Variants in TMEM120A observed in about 807,000 individuals in gnomAD.
The protein encoded by TMEM120A is ion channel TACAN.
Under a neutral mutation model 54.3 loss-of-function variants are expected in TMEM120A, and 45 were observed. That is an observed-to-expected ratio of 0.83 (90% CI 0.65 to 1.06). TMEM120A has a LOEUF of 1.06. Among genes scored for constraint, TMEM120A ranks in the 50% least tolerant of loss-of-function variants. TMEM120A has a pLI of 0.00. For missense variants in TMEM120A, 424 were observed against 441.7 expected, an observed-to-expected ratio of 0.96 and a Z score of 0.36; for synonymous variants, 204 against 178.5, an observed-to-expected ratio of 1.14 and a Z score of -1.14.
Position 75,989,048 on chromosome 7 carries a change from G to GGTGGAGGTT in TMEM120A, c.377+116_377+117insAACCTCCAC. ...GGAAGGCCGGGTTGGGGGGTGGAGG[G>GGTGGAGGTT]GAAGGCCGGGTTCCGGGGGAAGGCT... On this transcript the variant is annotated intron_variant, in intron 4 of 11. Coordinates refer to ENST00000493111, the MANE Select transcript of TMEM120A (RefSeq NM_031925.3). The GGTGGAGGTT allele has an allele frequency of 1.9e-4, 30 of 158,458 alleles. 3 individuals carry two copies. Among genetic ancestry groups the GGTGGAGGTT allele is most frequent in the South Asian group, 1.3e-3 (29 of 22,626 alleles). The allele number at this position is 158,458 out of a possible 1,614,324, so 9.8% of individuals were successfully genotyped here. A position where few individuals can be genotyped will look rare whatever the true frequency, so the allele number is the denominator to read the frequency against.
chr7:75,992,504 G>T lies in TMEM120A; in HGVS notation c.135C>A (p.Asn45Lys). The T allele has an allele frequency of 6.3e-7, 1 of 1,595,328 alleles. No individual in the cohort carries two copies. The highest frequency in any genetic ancestry group is 8.5e-7 in the Non-Finnish European group (1 of 1,171,310). The change falls in exon 2 of 12, where the codon AAC becomes AAA. Residue 45 changes from asparagine to lysine, a missense_variant. Asn to Lys is a moderately conservative substitution (Grantham distance 94). Transcript: ENST00000493111. Reference sequence around the variant, plus strand: ...GCCGCGTGATGGAGCTGGTGCAATTGTTCTGAAGTTTGGTCAGCTCCTCCA... The same window carrying T: ...GCCGCGTGATGGAGCTGGTGCAATTTTTCTGAAGTTTGGTCAGCTCCTCCA... ...LKLEELTKLQ[N>K]NCTSSITRQK...
At position 75,992,271 on chromosome 7, in the gene TMEM120A, G is replaced by A. The variant is rs1020440926; in HGVS notation, c.201-11C>T. 1.9e-6 allele frequency: 3 copies of A among 1,599,602 alleles called. No homozygotes were observed. Among genetic ancestry groups the A allele is most frequent in the Non-Finnish European group, 2.6e-6 (3 of 1,172,674 alleles). ...AGGGAGGGTTTGCATCTGCGGGTAAGGCCAGAAACAGTCAGGGCAAGAGGA... is the reference window on the plus strand; with the variant it reads ...AGGGAGGGTTTGCATCTGCGGGTAAAGCCAGAAACAGTCAGGGCAAGAGGA... On this transcript the variant is annotated splice_polypyrimidine_tract_variant and intron_variant, in intron 2 of 11. Transcript: ENST00000493111.
chr7:75,988,395 G>A, intron 5 of TMEM120A, 26 bp downstream of exon 5: 1 of 1,606,588 alleles, frequency 6.2e-7, no homozygotes, highest in South Asian at 1.1e-5. Flanking sequence ...GATGGGGTGG[G>A]TCCTCGGCCG....
chr7:75,987,516 G>T, intron 10 of TMEM120A, 22 bp downstream of exon 10: 1 of 1,576,814 alleles, frequency 6.3e-7, no homozygotes, highest in East Asian at 2.3e-5. Flanking sequence ...CAGACAGGCA[G>T]GGACACAGAG....
intron 3 of TMEM120A, among the ~76,000 whole-genome samples, chr7:75,990,681 C>A (rs187557862): frequency 1.3e-5 from 2 of 151,862 alleles, no homozygotes; most frequent in African/African-American, 4.8e-5. Flanking sequence ...GTCAGAAGAT[C>A]GAGACCAGCC....
rs868981119 is a variant in TMEM120A, at chr7:75,994,549, G to A, written c.22C>T (p.Pro8Ser). MQPPPPG[P>S]LGDCLRDWED... ...CAGTCCCGCAGGCAGTCGCCCAGCG[G>A]GCCCGGGGGCGGGGGCTGCATGGCT... is the stretch of plus-strand genomic sequence containing the variant. The change falls in exon 1 of 12, where the codon CCG becomes TCG. Residue 8 changes from proline to serine, a missense_variant. Transcript: ENST00000493111. 1.3e-6 allele frequency: 2 copies of A among 1,555,472 alleles called. No homozygotes were observed. The highest frequency in any genetic ancestry group is 1.7e-4 in the Middle Eastern group (1 of 5,968).
In TMEM120A at chr7:75,989,199, TC is replaced by T; in HGVS notation, c.342del (p.Asn115ThrfsTer7). On this transcript the variant is annotated frameshift_variant, in exon 4 of 12. Coordinates refer to ENST00000493111, the MANE Select transcript of TMEM120A (RefSeq NM_031925.3). LOFTEE classifies it high-confidence loss of function. The stretch of plus-strand genomic sequence containing the variant: ...TTGCTCAGGAGCGTGACGTTGACGT[TC>T]CCCAGAACCAGGCTCAGGTACAATC... ...KNGLYLSLVL[G>X]NVNVTLLSKQ... 2 of 1,471,226 alleles carry T rather than the reference TC, an allele frequency of 1.4e-6. No individual in the cohort carries two copies. Among genetic ancestry groups the T allele is most frequent in the Admixed American group, 2.1e-5 (1 of 47,980 alleles). The allele number at this position is 1,471,226 out of a possible 1,614,324, so 91.1% of individuals were successfully genotyped here. A position where few individuals can be genotyped will look rare whatever the true frequency, so the allele number is the denominator to read the frequency against.
intron 6 of TMEM120A, 28 bp from the exon 7 acceptor site, chr7:75,988,176 A>T: frequency 1.9e-6 from 3 of 1,611,240 alleles, no homozygotes; most frequent in Non-Finnish European, 2.5e-6. Context: ...CATCACCCCC[A>T]GCGCCTGTTC....
rs4732519 is a variant in TMEM120A at position 75,992,509 on chromosome 7, G to A, written c.130C>T (p.Gln44Ter). The A allele has an allele frequency of 4.4e-6, 7 of 1,594,060 alleles. No individual in the cohort carries two copies. The African/African-American group carries it at 8.0e-5, about 18-fold the overall frequency. ...GTGATGGAGCTGGTGCAATTGTTCT[G>A]AAGTTTGGTCAGCTCCTCCAGCTTC... The part of the protein sequence containing the change: ...RLKLEELTKL[Q>*]NNCTSSITRQ... Residue 44 changes from glutamine to a stop codon, truncating the protein, a stop_gained, in exon 2 of 12, where the codon CAG (glutamine) becomes TAG (stop). Transcript: ENST00000493111. LOFTEE classifies it high-confidence loss of function.
At chr7:75,992,014 C>A in intron 3 of TMEM120A, 130 bp downstream of exon 3, 1 of 632,822 alleles carries the variant, frequency 1.6e-6, no homozygotes, top group Non-Finnish European at 2.8e-6. Flanking sequence ...CTGAAGTCAG[C>A]ACTGTGCCTC....
chr7:75,994,356 C>T, intron 1 of TMEM120A, 134 bp downstream of exon 1: 1 of 744,276 alleles, frequency 1.3e-6, no homozygotes, highest in East Asian at 3.1e-5. Context: ...GGCCTCGCCC[C>T]CCTTGGCAGT....
intron 3 of TMEM120A, 58 bp downstream of exon 3, chr7:75,992,086 G>C (rs1377354653): frequency 2.4e-6 from 3 of 1,258,188 alleles, no homozygotes; most frequent in Non-Finnish European, 3.4e-6. Context: ...AGAGGAGGCA[G>C]CACCCGGCTT....
intron 10 of TMEM120A, 40 bp downstream of exon 10, chr7:75,987,494 AGGAC>A (rs1366735213): frequency 1.7e-5 from 25 of 1,430,210 alleles, no homozygotes; most frequent in African/African-American, 1.0e-4. Context: ...ACCGGCGCAG[AGGAC>A]GGACAGACAG....
In TMEM120A at chr7:75,989,221, CA is replaced by C; in HGVS notation, c.320del (p.Leu107CysfsTer3). On this transcript the variant is annotated frameshift_variant and splice_region_variant, in exon 4 of 12. Transcript: ENST00000493111. LOFTEE classifies it high-confidence loss of function. ...MEAYLPKKNG[L>X]YLSLVLGNVN... is the part of the protein sequence containing the mutation. ...CGTTCCCCAGAACCAGGCTCAGGTA[CA>C]ATCTAGGGAAGGGGGTGGCGGGGTG... is the stretch of plus-strand genomic sequence containing the variant. The C allele has an allele frequency of 6.4e-7, 1 of 1,560,630 alleles. No individual in the cohort carries two copies. Among genetic ancestry groups the C allele is most frequent in the Middle Eastern group, 1.7e-4 (1 of 5,916 alleles).
Position 75,992,561 on chromosome 7 carries a change from G to C in TMEM120A, c.82-4C>G, listed in dbSNP as rs1585146844. 2 of 1,560,502 alleles carry C rather than the reference G, an allele frequency of 1.3e-6. No individual in the cohort carries two copies. Among genetic ancestry groups the C allele is most frequent in the East Asian group, 2.4e-5 (1 of 42,264 alleles). On this transcript the variant is annotated splice_polypyrimidine_tract_variant and splice_region_variant and intron_variant, in intron 1 of 11. Coordinates refer to ENST00000493111, the MANE Select transcript of TMEM120A (RefSeq NM_031925.3). ...GGCGGTAGAGCCGATGGGTCTCCTG[G>C]GGGCCGGAGGGGAGAGGCTCAGGCC...
chr7:75,986,908 C>T lies in TMEM120A; in HGVS notation c.*264G>A. On this transcript the variant is annotated 3_prime_UTR_variant, in exon 12 of 12. Transcript: ENST00000493111. ...GGGACCTCCACCTGCATCAACTTAA[C>T]TAACTCAGACCCCAGGAACCCATGT... The T allele has an allele frequency of 1.7e-6, 1 of 589,504 alleles. No homozygotes were observed. Among genetic ancestry groups the T allele is most frequent in the Non-Finnish European group, 3.0e-6 (1 of 333,424 alleles). The allele number at this position is 589,504 out of a possible 1,614,324, so 36.5% of individuals were successfully genotyped here. A position where few individuals can be genotyped will look rare whatever the true frequency, so the allele number is the denominator to read the frequency against.
chr7:75,990,656 C>T (rs1455251635), intron 3 of TMEM120A, among the ~76,000 whole-genome samples: 2 of 152,016 alleles, frequency 1.3e-5, no homozygotes, highest in African/African-American at 2.4e-5. Flanking sequence ...GAGGCCGAGG[C>T]GGGTGGATCA....
rs1789880178 is a variant in TMEM120A, at chr7:75,992,442, T to C, written c.197A>G (p.Lys66Arg). The change falls in exon 2 of 12, where the codon AAG (lysine) becomes AGG (arginine). Residue 66 changes from lysine to arginine, a missense_variant. Physicochemically the swap from Lys to Arg is conservative, Grantham distance 26 (BLOSUM62 2). Transcript: ENST00000493111. ...GGGTGGGGTAGGGGATCCTAACTTCTTCAGGGCGAGGGCCAGCTCCTGGAG... is the reference window on the plus strand; with the variant it reads ...GGGTGGGGTAGGGGATCCTAACTTCCTCAGGGCGAGGGCCAGCTCCTGGAG... Reference protein sequence around the residue: ...KRLQELALALKKCKPSLPAEA... With the variant: ...KRLQELALALRKCKPSLPAEA... 3 of 1,591,852 alleles carry C rather than the reference T, an allele frequency of 1.9e-6. No individual in the cohort carries two copies. The highest frequency in any genetic ancestry group is 2.6e-6 in the Non-Finnish European group (3 of 1,169,534).
intron 8 of TMEM120A, 36 bp from the exon 9 acceptor site, chr7:75,987,846 C>A: frequency 6.2e-7 from 1 of 1,604,128 alleles, no homozygotes; most frequent in Non-Finnish European, 8.5e-7. Flanking sequence ...CAGGGCTGAG[C>A]CCCGGGAGGG....
Sources: allele counts gnomAD v4.1 joint callset (sites outside exome capture counted in the v4.1 genomes callset), GRCh38; gene constraint gnomAD v4.1.1; transcripts MANE v1.5; gene names NCBI Gene and HGNC (gene_info 2026-07-23, HGNC 2026-07-21).